Variants in PTPRK observed in about 807,000 individuals in gnomAD.
PTPRK encodes receptor-type tyrosine-protein phosphatase kappa.
A neutral mutation model predicts 178.0 loss-of-function variants in PTPRK; 75 were observed. The observed-to-expected ratio is 0.42, with a 90% CI of 0.35 to 0.51. The LOEUF (loss-of-function observed/expected upper bound fraction) is 0.51. Among genes scored for constraint, PTPRK ranks in the 20% least tolerant of loss-of-function variants. The pLI is 0.02. For synonymous variants in PTPRK, 637 were observed against 620.6 expected (o/e 1.03, Z -0.39); for missense variants, 1,441 against 1,797.8 (o/e 0.80, Z 3.59).
At chr6:128,494,781 T>G (rs1450110336) in intron 1 of PTPRK, among the ~76,000 whole-genome samples, 1 of 152,216 alleles carries the variant, frequency 6.6e-6, no homozygotes, top group Non-Finnish European at 1.5e-5. Flanking sequence ...GAAACTTGAT[T>G]TATGTGTGTG....
chr6:128,416,066 G>C (rs1842813847), intron 1 of PTPRK, among the ~76,000 whole-genome samples: 1 of 152,020 alleles, frequency 6.6e-6, no homozygotes, highest in South Asian at 2.1e-4. Flanking sequence ...AAAAGTGCCT[G>C]TCCTAAACAG....
At chr6:128,027,267 C>T (rs919673602) in intron 13 of PTPRK, among the ~76,000 whole-genome samples, 39 of 152,148 alleles carry the variant, frequency 2.6e-4, no homozygotes, top group African/African-American at 8.7e-4. Context: ...GCATGTTTCC[C>T]ACTGAACAGA....
intron 3 of PTPRK, among the ~76,000 whole-genome samples, chr6:128,266,551 C>T (rs934573346): frequency 2.0e-5 from 3 of 152,116 alleles, no homozygotes; most frequent in Non-Finnish European, 4.4e-5. Context: ...TCTCTCCAGA[C>T]CACAATTCCT....
At chr6:128,501,772 T>C (rs896089453) in intron 1 of PTPRK, among the ~76,000 whole-genome samples, 4 of 152,172 alleles carry the variant, frequency 2.6e-5, no homozygotes, top group African/African-American at 9.6e-5. Context: ...CAAATAGTAA[T>C]AACTGCTTAA....
chr6:128,305,782 C>A (rs953324342), intron 3 of PTPRK, among the ~76,000 whole-genome samples: 13 of 152,204 alleles, frequency 8.5e-5, no homozygotes, highest in African/African-American at 3.1e-4. Context: ...CCAGAAGAAC[C>A]CAAATACAAT....
rs551659159 is a variant in PTPRK, at chr6:128,206,900, A to G, written c.868+12022T>C. Among the ~76,000 whole-genome samples, 8 of 152,350 alleles carry G rather than the reference A, an allele frequency of 5.3e-5. No homozygotes were observed. In the South Asian group the frequency reaches 1.7e-3, roughly 32 times the overall value. On this transcript the variant is annotated intron_variant, in intron 6 of 29. Coordinates refer to ENST00000368226, the MANE Select transcript of PTPRK (RefSeq NM_002844.4). ...TTCTGGAGGTAACAAATTACCTTCC[A>G]TATTAGCATAGCTTACAAGTTCCTG...
At chr6:128,096,402 C>T (rs1787907408) in intron 7 of PTPRK, among the ~76,000 whole-genome samples, 1 of 152,144 alleles carries the variant, frequency 6.6e-6, no homozygotes, top group Admixed American at 6.6e-5. Flanking sequence ...GTTTTTGGCA[C>T]TTGCTAAACA....
intron 7 of PTPRK, among the ~76,000 whole-genome samples, chr6:128,092,255 G>C (rs936898753): frequency 6.6e-6 from 1 of 152,084 alleles, no homozygotes; most frequent in African/African-American, 2.4e-5. Flanking sequence ...TCCACAGTTT[G>C]AATGTATGCT....
intron 9 of PTPRK, among the ~76,000 whole-genome samples, chr6:128,083,475 C>T (rs1785181911): frequency 6.6e-6 from 1 of 151,888 alleles, no homozygotes; most frequent in Non-Finnish European, 1.5e-5. Flanking sequence ...CCTAAATCAA[C>T]AAAACAGCAA....
At chr6:127,980,058 C>A (rs1775111017) in intron 25 of PTPRK, among the ~76,000 whole-genome samples, 2 of 152,120 alleles carry the variant, frequency 1.3e-5, no homozygotes, top group African/African-American at 4.8e-5. Flanking sequence ...CGCCTGTAAT[C>A]CCAGTACTTT....
At chr6:128,398,134 G>C (rs1458006935) in intron 1 of PTPRK, among the ~76,000 whole-genome samples, 1 of 152,154 alleles carries the variant, frequency 6.6e-6, no homozygotes, top group Non-Finnish European at 1.5e-5. Context: ...CACACTGTGG[G>C]AGTGCGCGAG....
chr6:128,363,082 G>C (rs542342674), intron 2 of PTPRK, among the ~76,000 whole-genome samples: 27 of 152,110 alleles, frequency 1.8e-4, no homozygotes, highest in Non-Finnish European at 2.8e-4. Flanking sequence ...TAAAATGGTA[G>C]AATGAGGTAG....
chr6:128,509,404 A>G (rs1293556325), intron 1 of PTPRK, among the ~76,000 whole-genome samples: 1 of 152,196 alleles, frequency 6.6e-6, no homozygotes, highest in African/African-American at 2.4e-5. Context: ...CTTCTTTATT[A>G]TACCACTTTC....
chr6:128,134,952 A>C (rs1182445791), intron 7 of PTPRK, among the ~76,000 whole-genome samples: 1 of 152,066 alleles, frequency 6.6e-6, no homozygotes, highest in Non-Finnish European at 1.5e-5. Flanking sequence ...AAGAAATCTG[A>C]CTCTAGACTG....
intron 6 of PTPRK, among the ~76,000 whole-genome samples, chr6:128,205,455 A>C (rs1806760261): frequency 6.6e-6 from 1 of 152,162 alleles, no homozygotes; most frequent in South Asian, 2.1e-4. Context: ...AAAGTGAAGA[A>C]ATTTCAAGAA....
At chr6:128,001,352 T>C (rs906869694) in intron 15 of PTPRK, 4 of 506,766 alleles carry the variant, frequency 7.9e-6, no homozygotes, top group Admixed American at 3.5e-5. Context: ...ACAAAAATGA[T>C]TGGATGCAAA....
chr6:128,378,640 T>A (rs761408989), intron 2 of PTPRK, among the ~76,000 whole-genome samples: 19 of 152,024 alleles, frequency 1.2e-4, no homozygotes, highest in Admixed American at 2.0e-4. Flanking sequence ...ACTATAAAAA[T>A]TAGATTCTAA....
intron 6 of PTPRK, among the ~76,000 whole-genome samples, 200 bp downstream of exon 6, chr6:128,218,722 A>G (rs1809822314): frequency 6.6e-6 from 1 of 152,226 alleles, no homozygotes. Flanking sequence ...GCAAACACTT[A>G]CTAGAAACTT....
At chr6:128,396,888 C>G (rs2128368531) in intron 2 of PTPRK, among the ~76,000 whole-genome samples, 1 of 152,216 alleles carries the variant, frequency 6.6e-6, no homozygotes, top group Non-Finnish European at 1.5e-5. Flanking sequence ...GTCCCAGCTA[C>G]TCAGGAGGCT....
Sources: gnomAD v4.1 joint callset for allele counts (sites outside exome capture counted in the v4.1 genomes callset) on GRCh38, gnomAD v4.1.1 for gene constraint, MANE v1.5 for transcripts, NCBI Gene and HGNC (gene_info 2026-07-23, HGNC 2026-07-21) for gene names.